The following PDS5A variants were observed in gnomAD, a reference collection of about 807,000 sequenced individuals.
PDS5A encodes PDS5 cohesin associated factor A.
In PDS5A, 42 loss-of-function variants were observed where a neutral mutation model predicts 167.1. The observed-to-expected ratio is 0.25, with a 90% confidence interval of 0.20 to 0.33. The LOEUF (loss-of-function observed/expected upper bound fraction) is 0.33. PDS5A is among the 10% of genes least tolerant of loss of function. The probability of loss-of-function intolerance (pLI) is 1.00; values close to 1 mark genes in which losing one functional copy is unlikely to be tolerated. For missense variants in PDS5A, 1,033 were observed against 1,605.9 expected (o/e 0.64, Z 6.10); for synonymous variants, 553 against 554.6 (o/e 1.00, Z 0.04).
intron 26 of PDS5A, among the ~76,000 whole-genome samples, chr4:39,855,141 C>T (rs1718432875): frequency 6.6e-6 from 1 of 152,086 alleles, no homozygotes; most frequent in South Asian, 2.1e-4. Flanking sequence ...AACTCTGGAA[C>T]CTCATGGGAC....
chr4:39,848,726 T>C (rs1371436269), intron 28 of PDS5A, 125 bp downstream of exon 28: 12 of 809,340 alleles, frequency 1.5e-5, no homozygotes, highest in Non-Finnish European at 2.2e-5. Context: ...TTCCCACTCT[T>C]TGATAAACCC....
At chr4:39,827,245 G>T (rs1236610786) in intron 32 of PDS5A, among the ~76,000 whole-genome samples, 3 of 152,100 alleles carry the variant, frequency 2.0e-5, no homozygotes, top group Non-Finnish European at 2.9e-5. Context: ...TGATCAGCCT[G>T]CTTTGGCCTC....
intron 9 of PDS5A, among the ~76,000 whole-genome samples, chr4:39,913,130 G>A (rs543996412): frequency 8.0e-5 from 12 of 150,734 alleles, no homozygotes; most frequent in Admixed American, 1.3e-4. Flanking sequence ...CTGTCACTCC[G>A]GCTGGAATGC....
At chr4:39,867,453 G>C (rs958170207) in intron 22 of PDS5A, among the ~76,000 whole-genome samples, 1 of 151,734 alleles carries the variant, frequency 6.6e-6, no homozygotes, top group Non-Finnish European at 1.5e-5. Flanking sequence ...AGCACTTTGG[G>C]AGGCCAAGGC....
At chr4:39,828,713 T>C (rs1391470814) in intron 32 of PDS5A, among the ~76,000 whole-genome samples, 5 of 152,136 alleles carry the variant, frequency 3.3e-5, no homozygotes, top group African/African-American at 1.2e-4. Context: ...CTGGAGGTGG[T>C]GCAAGTGTAA....
intron 16 of PDS5A, among the ~76,000 whole-genome samples, chr4:39,893,718 T>C (rs1722161950): frequency 6.6e-6 from 1 of 152,228 alleles, no homozygotes; most frequent in Admixed American, 6.5e-5. Context: ...CAGAGGTTTG[T>C]TTTCATGTGT....
intron 2 of PDS5A, among the ~76,000 whole-genome samples, chr4:39,971,424 G>A (rs1730524351): frequency 6.6e-6 from 1 of 151,478 alleles, no homozygotes; most frequent in Non-Finnish European, 1.5e-5. Context: ...CCAAAGTGCT[G>A]AGATTACAGG....
At chr4:39,860,748 T>A (rs1718915628) in intron 26 of PDS5A, among the ~76,000 whole-genome samples, 1 of 152,028 alleles carries the variant, frequency 6.6e-6, no homozygotes, top group African/African-American at 2.4e-5. Flanking sequence ...GAGACAAATA[T>A]CGCATGGTCT....
intron 9 of PDS5A, 75 bp downstream of exon 9, chr4:39,913,536 T>C (rs1287285351): frequency 7.8e-6 from 6 of 772,266 alleles, no homozygotes; most frequent in Admixed American, 1.9e-5. Flanking sequence ...TTGATATGTA[T>C]AGTTTTAATC....
chr4:39,963,121 C>T (rs1349431870), intron 2 of PDS5A, among the ~76,000 whole-genome samples: 1 of 151,832 alleles, frequency 6.6e-6, no homozygotes, highest in African/African-American at 2.4e-5. Context: ...GAGTTCAAAA[C>T]CAGCCTGGAC....
intron 2 of PDS5A, among the ~76,000 whole-genome samples, chr4:39,929,427 A>G (rs1180028034): frequency 1.3e-5 from 2 of 150,056 alleles, no homozygotes; most frequent in African/African-American, 5.0e-5. Flanking sequence ...TCAGACTCCA[A>G]GTTCTTCAGT....
intron 2 of PDS5A, among the ~76,000 whole-genome samples, chr4:39,957,169 A>G (rs930637867): frequency 6.6e-6 from 1 of 152,168 alleles, no homozygotes; most frequent in Admixed American, 6.6e-5. Context: ...ATAATTATAC[A>G]TGGCCACAGA....
chr4:39,863,118 TA>T (rs746334906), intron 24 of PDS5A, 45 bp from the exon 25 acceptor site: 2 of 1,419,938 alleles, frequency 1.4e-6, no homozygotes, highest in East Asian at 4.6e-5. Context: ...ATTTATTAAA[TA>T]AAAAACAGCA....
chr4:39,908,367 C>T (rs182796692), intron 11 of PDS5A, 28 bp downstream of exon 11: 52 of 1,576,658 alleles, frequency 3.3e-5, no homozygotes, highest in Non-Finnish European at 4.4e-5. Flanking sequence ...CAGTAAATTA[C>T]AGAAGAATAA....
chr4:39,967,444 G>C (rs761169500), intron 2 of PDS5A, among the ~76,000 whole-genome samples: 1 of 152,018 alleles, frequency 6.6e-6, no homozygotes, highest in Admixed American at 6.6e-5. Context: ...TCAGGGGTTC[G>C]AGACAAGCCT....
At chr4:39,867,357 AT>A (rs1719552139) in intron 22 of PDS5A, among the ~76,000 whole-genome samples, 1 of 152,012 alleles carries the variant, frequency 6.6e-6, no homozygotes, top group African/African-American at 2.4e-5. Context: ...TTTGTGCAAG[AT>A]TTTGAAACTA....
rs1456616322 is a variant in PDS5A at position 39,876,993 on chromosome 4, G to A, written c.2153C>T (p.Ser718Leu). 3.1e-6 allele frequency: 5 copies of A among 1,604,732 alleles called. No homozygotes were observed. In the East Asian group the frequency reaches 6.7e-5, roughly 22 times the overall value. The change falls in exon 19 of 33, where the codon TCG becomes TTG. Residue 718 changes from serine to leucine, a missense_variant and splice_region_variant. Ser to Leu is a moderately radical substitution (Grantham distance 145, BLOSUM62 -2). Around this residue, in one of 4 missense-constraint regions of PDS5A, gnomAD observed 367 missense variants for 686.7 expected, o/e 0.53. Coordinates refer to ENST00000303538, the MANE Select transcript of PDS5A (RefSeq NM_001100399.2). The stretch of plus-strand genomic sequence containing the variant: ...ACCACGGGAGAAAAAATGTACTCAC[G>A]ATCGTATCTGGGGAAGGTCTGTTTC... ...KIETDLPQIR[S>L]TLIPILHQKA...
chr4:39,944,736 G>A (rs1351860850), intron 2 of PDS5A, among the ~76,000 whole-genome samples: 3 of 149,546 alleles, frequency 2.0e-5, no homozygotes, highest in Admixed American at 6.7e-5. Flanking sequence ...TTTGATACAT[G>A]CATGGCGGGT....
chr4:39,848,458 G>A (rs73242415), intron 28 of PDS5A: 19,141 of 191,820 alleles, frequency 0.1, 1,188 homozygotes, highest in East Asian at 0.22. Context: ...TTGTCCATAT[G>A]TATTATTAAC....
Sources: allele counts gnomAD v4.1 joint callset (sites outside exome capture counted in the v4.1 genomes callset), GRCh38; gene constraint gnomAD v4.1.1; regional missense constraint gnomAD v4.1.1; transcripts MANE v1.5; gene names NCBI Gene and HGNC (gene_info 2026-07-23, HGNC 2026-07-21).